BIRC3: variants seen among roughly 807,000 people sequenced by gnomAD.
BIRC3 encodes baculoviral IAP repeat containing 3.
A neutral mutation model predicts 59.0 loss-of-function variants in BIRC3; 26 were observed. The ratio of observed to expected loss-of-function variants is 0.44; its 90% CI spans 0.32 to 0.61. The LOEUF (loss-of-function observed/expected upper bound fraction) is 0.61. BIRC3 is among the 20% of genes least tolerant of loss of function. The pLI, the probability that BIRC3 is intolerant of heterozygous loss-of-function variation, is 0.04. For missense variants in BIRC3, 641 were observed against 711.5 expected (o/e 0.90, Z 1.13); for synonymous variants, 243 against 249.2 (o/e 0.98, Z 0.24).
chr11:102,334,753 A>G (rs965813513), intron 6 of BIRC3, among the ~76,000 whole-genome samples: 3 of 152,218 alleles, frequency 2.0e-5, no homozygotes, highest in African/African-American at 4.8e-5. Context: ...TGTTTTACCA[A>G]TGGATACAAA....
intron 1 of BIRC3, among the ~76,000 whole-genome samples, chr11:102,317,894 A>T (rs541114362): frequency 6.6e-6 from 1 of 152,332 alleles, no homozygotes; most frequent in African/African-American, 2.4e-5. Context: ...CAGGTGCCAA[A>T]TAAATTTCAG....
intron 7 of BIRC3, 74 bp from the exon 8 acceptor site, chr11:102,336,686 A>C (rs1951199778): frequency 6.9e-7 from 1 of 1,440,424 alleles, no homozygotes; most frequent in African/African-American, 1.4e-5. Flanking sequence ...TAAAGTGTTC[A>C]TTTTTAAAAT....
In BIRC3 at chr11:102,329,859, C is replaced by G. The variant is rs1951122414; in HGVS notation, c.1081+914C>G. Reference sequence around the variant, plus strand: ...TTAAATGACGAGTTAACGGGTGCAGCACACCAACATGGCACATGTATACAT... The same window carrying G: ...TTAAATGACGAGTTAACGGGTGCAGGACACCAACATGGCACATGTATACAT... On this transcript the variant is annotated intron_variant, in intron 5 of 8. Transcript: ENST00000263464. 2.0e-5 allele frequency among the ~76,000 whole-genome samples: 3 copies of G among 151,984 alleles called. No homozygotes were observed. The South Asian group carries it at 6.2e-4, about 32-fold the overall frequency.
chr11:102,327,948 G>C (rs1451153776), intron 3 of BIRC3, 104 bp from the exon 4 acceptor site: 1 of 817,546 alleles, frequency 1.2e-6, no homozygotes, highest in African/African-American at 1.8e-5. Flanking sequence ...CAAACAACCA[G>C]ATTTGAAATG....
rs191374497 is a variant in BIRC3 at position 102,318,407 on chromosome 11, T to C, written c.-2674+836T>C. On this transcript the variant is annotated intron_variant, in intron 1 of 8. Transcript: ENST00000263464. ...TGACTCTGTGGTCATTAATATAAAA[T>C]TGATAGAAGTACTGTGGTCACTCAG... Among the ~76,000 whole-genome samples the C allele has an allele frequency of 5.3e-5, 8 of 152,296 alleles. No individual in the cohort carries two copies. The East Asian group carries it at 1.5e-3, about 29-fold the overall frequency.
At chr11:102,332,541 G>T (rs987494360) in intron 6 of BIRC3, among the ~76,000 whole-genome samples, 13 of 151,812 alleles carry the variant, frequency 8.6e-5, no homozygotes, top group African/African-American at 2.4e-5. Flanking sequence ...CAAAATTCAG[G>T]CCCCCCCAAT....
At chr11:102,332,974 C>T (rs1044444253) in intron 6 of BIRC3, among the ~76,000 whole-genome samples, 13 of 152,150 alleles carry the variant, frequency 8.5e-5, no homozygotes, top group Non-Finnish European at 1.6e-4. Context: ...CCCATAAAAT[C>T]TAAAACTATC....
chr11:102,338,092 A>G lies in BIRC3; in HGVS notation c.*990A>G, dbSNP rs535982665. On this transcript the variant is annotated 3_prime_UTR_variant, in exon 9 of 9. Transcript: ENST00000263464. ...CTGGTTAGCAATGCTTGGGACCAAC[A>G]GGTTGTTCTGGTAAATAAATCTGTT... is the stretch of plus-strand genomic sequence containing the variant. The G allele has an allele frequency of 5.0e-4, 114 of 228,236 alleles. No individual in the cohort carries two copies. Among genetic ancestry groups the G allele is most frequent in the African/African-American group, 2.4e-3 (110 of 45,166 alleles). 14.1% of individuals were successfully genotyped at this position (228,236 alleles called of 1,614,324 possible). A position where few individuals can be genotyped will look rare whatever the true frequency, so the allele number is the denominator to read the frequency against.
In BIRC3 at chr11:102,325,468, A is replaced by G; in HGVS notation, c.856A>G (p.Asn286Asp). Residue 286 changes from asparagine (N) to aspartate (D), a missense_variant and splice_region_variant, in exon 3 of 9, where the codon AAC (asparagine) becomes GAC (aspartate). Coordinates refer to ENST00000263464, the MANE Select transcript of BIRC3 (RefSeq NM_001165.5). ...TTTTGGTCTAAAATTAATTTTAGGTAACAGTGATGATGTCAAATGCTTTTG... is the reference window on the plus strand; with the variant it reads ...TTTTGGTCTAAAATTAATTTTAGGTGACAGTGATGATGTCAAATGCTTTTG... Reference protein sequence around the residue: ...LASAGFYYVGNSDDVKCFCCD... With the variant: ...LASAGFYYVGDSDDVKCFCCD... The G allele has an allele frequency of 6.2e-7, 1 of 1,610,650 alleles. No individual in the cohort carries two copies. The highest frequency in any genetic ancestry group is 1.1e-5 in the South Asian group (1 of 90,000).
chr11:102,333,523 T>C lies in BIRC3; in HGVS notation c.1324+2282T>C, dbSNP rs567714842. ...TTGAGGCTGCAATGAGCTATGATCATATGCCACTGCATTCCAGCCTGGGCA... is the reference window on the plus strand; with the variant it reads ...TTGAGGCTGCAATGAGCTATGATCACATGCCACTGCATTCCAGCCTGGGCA... On this transcript the variant is annotated intron_variant, in intron 6 of 8. Coordinates refer to ENST00000263464, the MANE Select transcript of BIRC3 (RefSeq NM_001165.5). 8.6e-5 allele frequency among the ~76,000 whole-genome samples: 13 copies of C among 150,686 alleles called. No individual in the cohort carries two copies. The South Asian group carries it at 2.1e-3, about 24-fold the overall frequency.
At position 102,328,136 on chromosome 11, in the gene BIRC3, G is replaced by T. The variant is rs371939735; in HGVS notation, c.1032+6G>T. The T allele has an allele frequency of 1.0e-5, 16 of 1,603,242 alleles. No individual in the cohort carries two copies. The African/African-American group carries it at 2.2e-4, about 22-fold the overall frequency. On this transcript the variant is annotated splice_donor_region_variant and intron_variant, in intron 4 of 8. Transcript: ENST00000263464. ...ACCCTCATCTACTTGAACAGGTAGG[G>T]CAAGTTCTTTTTTTAAATATTGGTT...
In BIRC3 at chr11:102,324,652, G is replaced by A. The variant is rs1215021212; in HGVS notation, c.143G>A (p.Arg48Lys). 1 of 1,614,184 alleles carries A rather than the reference G, an allele frequency of 6.2e-7. No homozygotes were observed. Residue 48 changes from arginine (R) to lysine (K), a missense_variant, in exon 2 of 9, where the codon AGG becomes AAG. Physicochemically the swap from Arg to Lys is conservative, Grantham distance 26. This residue lies in a region of BIRC3 where 329 missense variants were observed against 365.6 expected (regional missense o/e 0.90). Transcript: ENST00000263464. ...TFPAGVPVSE[R>K]SLARAGFYYT... is the part of the protein sequence containing the mutation. Reference sequence around the variant, plus strand: ...CCTGCTGGGGTTCCTGTCTCAGAAAGGAGTCTTGCTCGTGCTGGTTTCTAT... The same window carrying A: ...CCTGCTGGGGTTCCTGTCTCAGAAAAGAGTCTTGCTCGTGCTGGTTTCTAT...
At chr11:102,330,730 T>C (rs1177809470) in intron 5 of BIRC3, among the ~76,000 whole-genome samples, 1 of 151,646 alleles carries the variant, frequency 6.6e-6, no homozygotes, top group Non-Finnish European at 1.5e-5. Flanking sequence ...GCCATTCTGT[T>C]TCCTTCTCCT....
At position 102,324,098 on chromosome 11, in the gene BIRC3, G is replaced by A. The variant is rs1951058391; in HGVS notation, c.-412G>A. ...TCCACCATGAAAAGAAGCTTCATGA[G>A]TCACACATTACATCTTTGGGTTGAT... On this transcript the variant is annotated 5_prime_UTR_variant, in exon 2 of 9. Coordinates refer to ENST00000263464, the MANE Select transcript of BIRC3 (RefSeq NM_001165.5). The A allele has an allele frequency of 9.1e-6, 2 of 219,614 alleles. No homozygotes were observed. The highest frequency in any genetic ancestry group is 1.8e-5 in the Non-Finnish European group (2 of 109,570). The allele number at this position is 219,614 out of a possible 1,614,324, so 13.6% of individuals were successfully genotyped here. A position where few individuals can be genotyped will look rare whatever the true frequency, so the allele number is the denominator to read the frequency against.
rs1591519391 is a variant in BIRC3 at position 102,322,730 on chromosome 11, A to C, written c.-1780A>C. The C allele has an allele frequency of 5.0e-6, 1 of 199,468 alleles. No homozygotes were observed. Among genetic ancestry groups the C allele is most frequent in the East Asian group, 7.7e-5 (1 of 12,952 alleles). The allele number at this position is 199,468 out of a possible 1,614,324, so 12.4% of individuals were successfully genotyped here. A position where few individuals can be genotyped will look rare whatever the true frequency, so the allele number is the denominator to read the frequency against. On this transcript the variant is annotated 5_prime_UTR_variant, in exon 2 of 9. Coordinates refer to ENST00000263464, the MANE Select transcript of BIRC3 (RefSeq NM_001165.5). ...AAAGCATTGAAGTCTGCAGTTGAAA[A>C]GCCCAACGTCTGTGAGATCCAGGAA...
chr11:102,327,991 AT>A, intron 3 of BIRC3, 60 bp from the exon 4 acceptor site: 1 of 1,342,144 alleles, frequency 7.5e-7, no homozygotes, highest in Non-Finnish European at 1.0e-6. Context: ...AATTTATGTT[AT>A]TACATTTTCA....
chr11:102,336,540 G>A, intron 7 of BIRC3: 1 of 585,394 alleles, frequency 1.7e-6, no homozygotes, highest in South Asian at 2.3e-5. Context: ...GCTCCCATGA[G>A]CTGTGATTGT....
chr11:102,332,188 A>T (rs1438504409), intron 6 of BIRC3, among the ~76,000 whole-genome samples: 1 of 152,186 alleles, frequency 6.6e-6, no homozygotes. Context: ...TCTTCTGGGC[A>T]CATACATTCT....
At position 102,325,373 on chromosome 11, in the gene BIRC3, G is replaced by T. The variant is rs973880603; in HGVS notation, c.853+11G>T. On this transcript the variant is annotated intron_variant, in intron 2 of 8. Coordinates refer to ENST00000263464, the MANE Select transcript of BIRC3 (RefSeq NM_001165.5). ...GTTTTTATTATGTGGGTAAGAAACT[G>T]AATCTGCTAATTAAAAAAAATATAT... 5 of 1,588,518 alleles carry T rather than the reference G, an allele frequency of 3.1e-6. No homozygotes were observed. Among genetic ancestry groups the T allele is most frequent in the Non-Finnish European group, 4.3e-6 (5 of 1,169,530 alleles).
Sources: gnomAD v4.1 joint callset for allele counts (sites outside exome capture counted in the v4.1 genomes callset) on GRCh38, gnomAD v4.1.1 for gene constraint, gnomAD v4.1.1 regional missense constraint, MANE v1.5 for transcripts, NCBI Gene and HGNC (gene_info 2026-07-23, HGNC 2026-07-21) for gene names.